Variants in CDH4 observed in about 807,000 individuals in gnomAD.
CDH4 encodes cadherin 4.
A neutral mutation model predicts 86.0 loss-of-function variants in CDH4; 33 were observed. The observed-to-expected ratio is 0.38, with a 90% CI of 0.29 to 0.51. The LOEUF (loss-of-function observed/expected upper bound fraction) is 0.51, where lower values mean the gene tolerates loss of function less well. Among genes scored for constraint, CDH4 ranks in the 20% least tolerant of loss-of-function variants. The pLI is 0.86. For missense variants in CDH4, 1,114 were observed against 1,307.4 expected (o/e 0.85, Z 2.28); for synonymous variants, 555 against 549.4 (o/e 1.01, Z -0.14).
At chr20:61,631,095 G>A (rs2145787833) in intron 2 of CDH4, among the ~76,000 whole-genome samples, 1 of 152,342 alleles carries the variant, frequency 6.6e-6, no homozygotes, top group East Asian at 1.9e-4. Flanking sequence ...CCAGTGGTCT[G>A]CAGTTCTGCC....
intron 2 of CDH4, among the ~76,000 whole-genome samples, chr20:61,390,249 T>C (rs1391061533): frequency 7.1e-6 from 1 of 141,254 alleles, no homozygotes; most frequent in Non-Finnish European, 1.5e-5. Flanking sequence ...GAAACCCCAA[T>C]TGGGTTCGTG....
intron 2 of CDH4, among the ~76,000 whole-genome samples, chr20:61,403,906 A>G (rs1042128007): frequency 5.8e-4 from 88 of 152,228 alleles, no homozygotes; most frequent in African/African-American, 1.9e-3. Context: ...GTTTCAGGAA[A>G]AAGTCTGCAA....
At chr20:61,677,881 T>TGCTA (rs140716790) in intron 2 of CDH4, among the ~76,000 whole-genome samples, 1 of 151,302 alleles carries the variant, frequency 6.6e-6, no homozygotes, top group Non-Finnish European at 1.5e-5. Context: ...GATGGATAGA[T>TGCTA]GATGGATGAT....
At chr20:61,758,543 G>A (rs1357193143) in intron 3 of CDH4, among the ~76,000 whole-genome samples, 1 of 152,196 alleles carries the variant, frequency 6.6e-6, no homozygotes, top group Non-Finnish European at 1.5e-5. Flanking sequence ...GGGTGAATCT[G>A]CCTCTGCCCA....
chr20:61,331,809 T>C (rs865808648), intron 2 of CDH4, among the ~76,000 whole-genome samples: 1 of 141,958 alleles, frequency 7.0e-6, no homozygotes, highest in Admixed American at 7.3e-5. Context: ...TGAGCAGTTC[T>C]CATCTGCTGG....
chr20:61,275,122 T>TGGGGAGTACTGTGTGCAGTTTG (rs2084220920), intron 2 of CDH4, among the ~76,000 whole-genome samples: 1 of 54,992 alleles, frequency 1.8e-5, no homozygotes. Flanking sequence ...TGTGCAGTTT[T>TGGGGAGTACTGTGTGCAGTTTG]GGGGAGTACT....
intron 2 of CDH4, among the ~76,000 whole-genome samples, chr20:61,278,671 G>A (rs2123157545): frequency 6.6e-6 from 1 of 152,346 alleles, no homozygotes; most frequent in East Asian, 1.9e-4. Flanking sequence ...GGAAATAGAG[G>A]CCATTTGGCA....
chr20:61,771,222 CT>C (rs1276342104), intron 3 of CDH4, among the ~76,000 whole-genome samples: 1 of 151,514 alleles, frequency 6.6e-6, no homozygotes, highest in Non-Finnish European at 1.5e-5. Context: ...GTTGGCCAGG[CT>C]GGTCTCGAAC....
intron 2 of CDH4, among the ~76,000 whole-genome samples, chr20:61,563,080 G>A (rs999730729): frequency 6.6e-6 from 1 of 152,226 alleles, no homozygotes; most frequent in Non-Finnish European, 1.5e-5. Flanking sequence ...TCCGTGGGGA[G>A]CCCAGGCTCA....
chr20:61,530,849 A>G (rs1245871375), intron 2 of CDH4, among the ~76,000 whole-genome samples: 1 of 152,036 alleles, frequency 6.6e-6, no homozygotes, highest in Non-Finnish European at 1.5e-5. Flanking sequence ...AGCCTTCTTC[A>G]CTGTTTTATC....
intron 2 of CDH4, among the ~76,000 whole-genome samples, chr20:61,307,481 C>T (rs1023250346): frequency 6.6e-6 from 1 of 152,240 alleles, no homozygotes; most frequent in South Asian, 2.1e-4. Flanking sequence ...GCGTATCATT[C>T]GCATACTAGG....
chr20:61,850,403 T>G (rs1260983718), intron 5 of CDH4, among the ~76,000 whole-genome samples: 2 of 152,150 alleles, frequency 1.3e-5, no homozygotes, highest in Non-Finnish European at 2.9e-5. Flanking sequence ...CCTCGGCCAC[T>G]TCCAAGACCC....
At position 61,480,172 on chromosome 20, in the gene CDH4, C is replaced by T; in HGVS notation, c.169+225235C>T. Among the ~76,000 whole-genome samples, 1 of 151,934 alleles carries T rather than the reference C, an allele frequency of 6.6e-6. No homozygotes were observed. Among genetic ancestry groups the T allele is most frequent in the East Asian group, 1.9e-4 (1 of 5,148 alleles). Reference sequence around the variant, plus strand: ...TATATTTTATTGATTGCTTTTTATTCTCATGGGCCCTATTTTTTCCCCAAC... The same window carrying T: ...TATATTTTATTGATTGCTTTTTATTTTCATGGGCCCTATTTTTTCCCCAAC... On this transcript the variant is annotated intron_variant, in intron 2 of 15. Transcript: ENST00000614565. The surrounding 1 kb of genome is among the most constrained non-coding windows in gnomAD (Gnocchi z 5.2).
In CDH4 at chr20:61,921,112, CGTG is replaced by C. The variant is rs563741492; in HGVS notation, c.1375-2335_1375-2333del. Among the ~76,000 whole-genome samples the C allele has an allele frequency of 6.9e-3, 990 of 144,044 alleles. 6 individuals carry two copies. Among genetic ancestry groups the C allele is most frequent in the Admixed American group, 0.012 (171 of 14,232 alleles). 94.5% of individuals were successfully genotyped at this position (144,044 alleles called of 152,430 possible). A position where few individuals can be genotyped will look rare whatever the true frequency, so the allele number is the denominator to read the frequency against. The stretch of plus-strand genomic sequence containing the variant: ...TTGTGTCACAGTAATTGCATGGAAG[CGTG>C]GTGTCACGGTGATTGTGTGGAAGCG... On this transcript the variant is annotated intron_variant, in intron 9 of 15. Coordinates refer to ENST00000614565, the MANE Select transcript of CDH4 (RefSeq NM_001794.5).
chr20:61,337,258 T>G (rs372963674), intron 2 of CDH4, among the ~76,000 whole-genome samples: 1 of 1,028 alleles, frequency 9.7e-4, no homozygotes, highest in African/African-American at 2.9e-3. Context: ...AAGATGATGG[T>G]GATGGTGATG....
chr20:61,372,123 C>T (rs1050419193), intron 2 of CDH4, among the ~76,000 whole-genome samples: 1 of 152,222 alleles, frequency 6.6e-6, no homozygotes, highest in Non-Finnish European at 1.5e-5. Flanking sequence ...CCGTTCTCTG[C>T]CGGGTGTTTT....
chr20:61,839,901 CTGTG>C (rs145568741), intron 4 of CDH4, among the ~76,000 whole-genome samples: 11 of 147,660 alleles, frequency 7.4e-5, no homozygotes, highest in Non-Finnish European at 1.1e-4. Context: ...TATGTGTGTA[CTGTG>C]TGTGTGTGTG....
chr20:61,880,164 G>A (rs189745615), intron 7 of CDH4, among the ~76,000 whole-genome samples: 25 of 152,242 alleles, frequency 1.6e-4, no homozygotes, highest in Non-Finnish European at 3.1e-4. Flanking sequence ...AGTGTTCGTC[G>A]GTGACCAGAA....
intron 2 of CDH4, among the ~76,000 whole-genome samples, chr20:61,632,914 A>AT (rs1166467252): frequency 7.0e-6 from 1 of 143,438 alleles, no homozygotes; most frequent in East Asian, 2.2e-4. Context: ...CAACTTACCT[A>AT]TTGGCTTTAC....
Sources: gnomAD v4.1 joint callset for allele counts (sites outside exome capture counted in the v4.1 genomes callset) on GRCh38, gnomAD v4.1.1 for gene constraint, Gnocchi (gnomAD v3.1) non-coding constraint, MANE v1.5 for transcripts, NCBI Gene and HGNC (gene_info 2026-07-23, HGNC 2026-07-21) for gene names.